Variants in AHI1 observed in about 807,000 individuals in gnomAD.
AHI1 encodes the protein Abelson helper integration site 1.
A neutral mutation model predicts 149.3 loss-of-function variants in AHI1; 123 were observed. That is an observed-to-expected ratio of 0.82 (90% CI 0.71 to 0.96). The LOEUF (loss-of-function observed/expected upper bound fraction) is 0.96, where lower values mean the gene tolerates loss of function less well. Among genes scored for constraint, AHI1 ranks in the 40% least tolerant of loss-of-function variants. The pLI, the probability that AHI1 is intolerant of heterozygous loss-of-function variation, is 0.00. For missense variants in AHI1, 1,439 were observed against 1,422.7 expected (o/e 1.01, Z -0.18); for synonymous variants, 475 against 459.8 (o/e 1.03, Z -0.42).
At chr6:135,426,814 C>A (rs191708039) in intron 20 of AHI1, among the ~76,000 whole-genome samples, 4 of 151,474 alleles carry the variant, frequency 2.6e-5, no homozygotes, top group Non-Finnish European at 4.4e-5. Flanking sequence ...TTTCCCCCTA[C>A]TTTTTATGTT....
chr6:135,381,348 C>A (rs1776742152), intron 23 of AHI1, among the ~76,000 whole-genome samples: 1 of 152,098 alleles, frequency 6.6e-6, no homozygotes. Context: ...CAAGTATACA[C>A]AATAACACAT....
Position 135,431,190 on chromosome 6 carries a change from T to TA in AHI1, c.2373+17dup. On this transcript the variant is annotated intron_variant, in intron 17 of 28. Coordinates refer to ENST00000265602, the MANE Select transcript of AHI1 (RefSeq NM_001134831.2). ...ACTTCTTTAATTAAATCCCAAAATA[T>TA]AAAATATGATTTTATACCTTATTTA... 6.8e-7 allele frequency: 1 copy of TA among 1,481,454 alleles called. No individual in the cohort carries two copies. Among genetic ancestry groups the TA allele is most frequent in the Non-Finnish European group, 9.2e-7 (1 of 1,086,668 alleles). 91.8% of individuals were successfully genotyped at this position (1,481,454 alleles called of 1,614,324 possible). A position where few individuals can be genotyped will look rare whatever the true frequency, so the allele number is the denominator to read the frequency against.
rs117106896 is a variant in AHI1, at chr6:135,328,572, T to C, written c.3166-5248A>G. Among the ~76,000 whole-genome samples the C allele has an allele frequency of 3.8e-3, 573 of 152,172 alleles. 4 individuals carry two copies. The highest frequency in any genetic ancestry group is 0.022 in the South Asian group (105 of 4,810). On this transcript the variant is annotated intron_variant, in intron 24 of 28. Coordinates refer to ENST00000265602, the MANE Select transcript of AHI1 (RefSeq NM_001134831.2). The stretch of plus-strand genomic sequence containing the variant: ...GCTTCACCAACCAACCTCCACCCTC[T>C]TACCCCCTACCACCAGGTCTCTCTC...
intron 21 of AHI1, 131 bp from the exon 22 acceptor site, chr6:135,405,108 C>A: frequency 1.4e-6 from 1 of 699,238 alleles, no homozygotes; most frequent in African/African-American, 1.8e-5. Context: ...CATTATCCTG[C>A]CGTTGTCACT....
rs562707988 is a variant in AHI1, at chr6:135,494,350, G to A, written c.-55+1464C>T. Among the ~76,000 whole-genome samples, 14 of 152,312 alleles carry A rather than the reference G, an allele frequency of 9.2e-5. No individual in the cohort carries two copies. In the East Asian group the frequency reaches 2.7e-3, roughly 29 times the overall value. On this transcript the variant is annotated intron_variant, in intron 3 of 28. Coordinates refer to ENST00000265602, the MANE Select transcript of AHI1 (RefSeq NM_001134831.2). ...TATAACTGTAACAGGTTGTTAGGGT[G>A]CAGTCACTGAGCTTAGTATGGGTCA...
chr6:135,468,049 T>C (rs1235079507), intron 5 of AHI1, among the ~76,000 whole-genome samples: 1 of 152,162 alleles, frequency 6.6e-6, no homozygotes, highest in Non-Finnish European at 1.5e-5. Context: ...AGTTAAAAAA[T>C]ATCCAATGTA....
intron 11 of AHI1, among the ~76,000 whole-genome samples, chr6:135,449,301 C>T (rs908797553): frequency 4.6e-5 from 7 of 152,134 alleles, no homozygotes; most frequent in African/African-American, 9.7e-5. Context: ...CTGCCCACCT[C>T]GGCCTCCCAA....
Position 135,431,240 on chromosome 6 carries a change from C to T in AHI1, c.2341G>A (p.Glu781Lys). The T allele has an allele frequency of 1.9e-6, 3 of 1,606,134 alleles. No homozygotes were observed. The highest frequency in any genetic ancestry group is 2.6e-6 in the Non-Finnish European group (3 of 1,175,166). Residue 781 changes from glutamate to lysine, a missense_variant, in exon 17 of 29, where the codon GAA (glutamate) becomes AAA (lysine). Transcript: ENST00000265602. The part of the protein sequence containing the change: ...WNTYVKINDL[E>K]HSVHHWTINK... ...ATAGTCCAGTGGTGCACTGAATGTT[C>T]CAAATCATTAATCTTGACATAGGTA...
intron 28 of AHI1, among the ~76,000 whole-genome samples, chr6:135,288,485 T>C (rs1781949717): frequency 6.6e-6 from 1 of 151,960 alleles, no homozygotes; most frequent in African/African-American, 2.4e-5. Flanking sequence ...AGTAGATAAA[T>C]TAGAAAATGC....
chr6:135,451,983 T>A (rs1452108903), intron 11 of AHI1, among the ~76,000 whole-genome samples: 2 of 152,210 alleles, frequency 1.3e-5, no homozygotes, highest in Admixed American at 1.3e-4. Context: ...CTCAAATTAC[T>A]TACTCACCAT....
intron 27 of AHI1, among the ~76,000 whole-genome samples, chr6:135,294,324 TCAAAA>T (rs60857616): frequency 0.076 from 11,279 of 148,012 alleles, 960 homozygotes; most frequent in African/African-American, 0.2. Context: ...AGACTCCATC[TCAAAA>T]CAAAACAAAA....
chr6:135,486,224 G>T (rs1160671634), intron 5 of AHI1, among the ~76,000 whole-genome samples: 1 of 152,272 alleles, frequency 6.6e-6, no homozygotes, highest in Admixed American at 6.5e-5. Flanking sequence ...AGAACCTGTA[G>T]GCTAGGTGTC....
chr6:135,293,406 G>GAAAAAAAAAAAAAA lies in AHI1; in HGVS notation c.3486-2895_3486-2882dup, dbSNP rs71547029. Among the ~76,000 whole-genome samples, 39 of 65,624 alleles carry GAAAAAAAAAAAAAA rather than the reference G, an allele frequency of 5.9e-4. 1 individual carries two copies. Among genetic ancestry groups the GAAAAAAAAAAAAAA allele is most frequent in the East Asian group, 1.9e-3 (5 of 2,696 alleles). 43.1% of individuals were successfully genotyped at this position (65,624 alleles called of 152,430 possible). Reference sequence around the variant, plus strand: ...TGTTAACAGGGCAAAAAAAAAAAAAGAAAAAAAAAAAAAAAAAAGAAAAAA... The same window carrying GAAAAAAAAAAAAAA: ...TGTTAACAGGGCAAAAAAAAAAAAAGAAAAAAAAAAAAAAAAAAAAAAAAAAAAAAAAGAAAAAA... On this transcript the variant is annotated intron_variant, in intron 27 of 28. Transcript: ENST00000265602.
chr6:135,426,073 A>G (rs1188179311), intron 20 of AHI1, among the ~76,000 whole-genome samples: 2 of 151,760 alleles, frequency 1.3e-5, no homozygotes, highest in Non-Finnish European at 3.0e-5. Context: ...AGTGGGTACA[A>G]AGAGAGAACT....
chr6:135,339,401 A>G (rs553876454), intron 24 of AHI1, among the ~76,000 whole-genome samples: 1 of 152,370 alleles, frequency 6.6e-6, no homozygotes. Context: ...AAATACTATT[A>G]TAAGTATGTT....
intron 20 of AHI1, among the ~76,000 whole-genome samples, chr6:135,412,833 A>T (rs1227186686): frequency 6.6e-6 from 1 of 152,216 alleles, no homozygotes; most frequent in Non-Finnish European, 1.5e-5. Context: ...CAATGGATAA[A>T]CCTTCAGGGA....
intron 11 of AHI1, among the ~76,000 whole-genome samples, chr6:135,449,157 T>C (rs1489059988): frequency 6.6e-6 from 1 of 152,176 alleles, no homozygotes; most frequent in Non-Finnish European, 1.5e-5. Flanking sequence ...CAAGTGATTC[T>C]TGTGCCTCAG....
intron 21 of AHI1, among the ~76,000 whole-genome samples, chr6:135,407,574 C>G (rs1362831065): frequency 6.6e-6 from 1 of 152,118 alleles, no homozygotes; most frequent in African/African-American, 2.4e-5. Context: ...CTTCTATCTA[C>G]CTCAATACCA....
chr6:135,308,942 G>A (rs1022849887), intron 26 of AHI1, among the ~76,000 whole-genome samples: 3 of 152,210 alleles, frequency 2.0e-5, no homozygotes, highest in Non-Finnish European at 4.4e-5. Context: ...TCACCTTGTA[G>A]AGAGTTAAGA....
Sources: allele counts gnomAD v4.1 joint callset (sites outside exome capture counted in the v4.1 genomes callset), GRCh38; gene constraint gnomAD v4.1.1; transcripts MANE v1.5; gene names NCBI Gene and HGNC (gene_info 2026-07-23, HGNC 2026-07-21).